SRL: variants seen among roughly 807,000 people sequenced by gnomAD.
SRL encodes sarcalumenin.
SRL carries 23 observed loss-of-function variants against 39.5 expected under a neutral mutation model. The ratio of observed to expected loss-of-function variants is 0.58; its 90% CI spans 0.42 to 0.82. SRL has a LOEUF of 0.82. SRL is among the 40% of genes least tolerant of loss of function. The probability of loss-of-function intolerance (pLI) is 0.00; values close to 1 mark genes in which losing one functional copy is unlikely to be tolerated. For synonymous variants in SRL, 272 were observed against 237.4 expected (o/e 1.15, Z -1.34); for missense variants, 592 against 607.8 (o/e 0.97, Z 0.27).
chr16:4,211,388 C>A (rs2052390064), intron 1 of SRL, among the ~76,000 whole-genome samples: 1 of 152,228 alleles, frequency 6.6e-6, no homozygotes, highest in Non-Finnish European at 1.5e-5. Context: ...GAATCCAGCC[C>A]TTTCCATGGG....
In SRL at chr16:4,197,867, C is replaced by A. The variant is rs527408548; in HGVS notation, c.308G>T (p.Ser103Ile). ...GTTTATCATGGTAGATTTACCAACA[C>A]TCCACGGTCCCAGGAACAGTACCAT... ...KPMVLFLGPW[S>I]VGKSTMINYL... is the part of the protein sequence containing the mutation. Residue 103 changes from serine (S) to isoleucine (I), a missense_variant, in exon 4 of 6, where the codon AGT (serine) becomes ATT (isoleucine). Transcript: ENST00000399609. 6.2e-6 allele frequency: 10 copies of A among 1,614,178 alleles called. No individual in the cohort carries two copies. In the South Asian group the frequency reaches 9.9e-5, roughly 16 times the overall value.
At chr16:4,204,132 C>G (rs1415647408) in intron 2 of SRL, among the ~76,000 whole-genome samples, 1 of 152,236 alleles carries the variant, frequency 6.6e-6, no homozygotes. Context: ...TAAGAGGAGA[C>G]AAGCCCTGCT....
chr16:4,219,161 A>G (rs2052492976), intron 1 of SRL, among the ~76,000 whole-genome samples: 2 of 152,390 alleles, frequency 1.3e-5, no homozygotes, highest in African/African-American at 4.8e-5. Context: ...ACCAATGCCC[A>G]GAGAGGAAAA....
At chr16:4,240,062 C>A (rs1356423320) in intron 1 of SRL, among the ~76,000 whole-genome samples, 3 of 152,204 alleles carry the variant, frequency 2.0e-5, no homozygotes, top group East Asian at 3.8e-4. Context: ...GAGCCCACCA[C>A]CCCAGCCAGA....
intron 1 of SRL, among the ~76,000 whole-genome samples, chr16:4,220,069 C>G (rs17136902): frequency 6.6e-6 from 1 of 151,980 alleles, no homozygotes; most frequent in Non-Finnish European, 1.5e-5. Flanking sequence ...GCCTCCAGAG[C>G]AAATCTGACC....
intron 1 of SRL, 99 bp from the exon 2 acceptor site, chr16:4,204,733 C>T (rs2052296544): frequency 2.1e-6 from 2 of 964,756 alleles, no homozygotes; most frequent in Non-Finnish European, 3.3e-6. Flanking sequence ...CAAGCAGGGG[C>T]TCAACAGGGT....
At position 4,191,101 on chromosome 16, in the gene SRL, C is replaced by G. The variant is rs944280090; in HGVS notation, c.*1052G>C. 1.3e-5 allele frequency: 2 copies of G among 152,288 alleles called. No homozygotes were observed. Among genetic ancestry groups the G allele is most frequent in the Admixed American group, 6.5e-5 (1 of 15,272 alleles). The allele number at this position is 152,288 out of a possible 1,614,324, so 9.4% of individuals were successfully genotyped here. On this transcript the variant is annotated 3_prime_UTR_variant, in exon 6 of 6. Coordinates refer to ENST00000399609, the MANE Select transcript of SRL (RefSeq NM_001098814.2). ...TCCACGACCTTCACTACAGTCACTT[C>G]CAAGAGTAAATTACCTGGATACACC... is the stretch of plus-strand genomic sequence containing the variant.
At position 4,195,684 on chromosome 16, in the gene SRL, GAGA is replaced by G. The variant is rs1247941143; in HGVS notation, c.476_478del (p.Phe159del). Reference sequence around the variant, plus strand: ...ATTCTGGCCAAACTTCTCAAGGGGTGAGAAGGAACGGGCGCTGTCAGCAGCCAT... The same window carrying G: ...ATTCTGGCCAAACTTCTCAAGGGGTGAGGAACGGGCGCTGTCAGCAGCCAT... On this transcript the variant is annotated inframe_deletion, in exon 5 of 6. Coordinates refer to ENST00000399609, the MANE Select transcript of SRL (RefSeq NM_001098814.2). 3 of 1,614,024 alleles carry G rather than the reference GAGA, an allele frequency of 1.9e-6. No homozygotes were observed. Among genetic ancestry groups the G allele is most frequent in the Non-Finnish European group, 2.5e-6 (3 of 1,180,030 alleles).
rs143788925 is a variant in SRL, at chr16:4,220,405, G to A, written c.62-15771C>T. ...GGAGGCTGCAGTGAGCCGAGATCAC[G>A]CCATTGCACTCCAGCCTCAGTGACA... On this transcript the variant is annotated intron_variant, in intron 1 of 5. Transcript: ENST00000399609. Among the ~76,000 whole-genome samples the A allele has an allele frequency of 5.3e-5, 8 of 151,614 alleles. No homozygotes were observed. The East Asian group carries it at 1.4e-3, about 26-fold the overall frequency.
intron 1 of SRL, among the ~76,000 whole-genome samples, chr16:4,236,170 C>T (rs2052711772): frequency 6.6e-6 from 1 of 152,166 alleles, no homozygotes; most frequent in Admixed American, 6.5e-5. Context: ...TTATTTATCC[C>T]AAACTTAATT....
intron 1 of SRL, chr16:4,206,595 C>T (rs947817616): frequency 4.0e-5 from 17 of 423,650 alleles, no homozygotes; most frequent in South Asian, 1.4e-4. Flanking sequence ...GCCACCTCCC[C>T]GGGCCGGGAC....
At chr16:4,204,678 C>G (rs771520991) in intron 1 of SRL, 44 bp from the exon 2 acceptor site, 2 of 1,572,794 alleles carry the variant, frequency 1.3e-6, no homozygotes, top group South Asian at 1.1e-5. Context: ...AAGCTAACAG[C>G]CAGCTGAGCT....
At chr16:4,235,356 G>A (rs1223147963) in intron 1 of SRL, among the ~76,000 whole-genome samples, 3 of 152,184 alleles carry the variant, frequency 2.0e-5, no homozygotes, top group East Asian at 1.9e-4. Flanking sequence ...ACATCATGAA[G>A]GGGACCTGAG....
At chr16:4,220,395 C>A (rs549369312) in intron 1 of SRL, among the ~76,000 whole-genome samples, 89 of 151,880 alleles carry the variant, frequency 5.9e-4, no homozygotes, top group African/African-American at 2.1e-3. Context: ...CTGCAGTGAG[C>A]CGAGATCACG....
At chr16:4,203,088 C>G (rs74003214) in intron 3 of SRL, 78 bp downstream of exon 3, 28 of 1,261,438 alleles carry the variant, frequency 2.2e-5, no homozygotes, top group South Asian at 1.6e-4. Flanking sequence ...GAGTCCAGGC[C>G]GGTCAGCAGT....
At chr16:4,224,728 A>C (rs369134294) in intron 1 of SRL, among the ~76,000 whole-genome samples, 4 of 152,122 alleles carry the variant, frequency 2.6e-5, no homozygotes, top group Non-Finnish European at 5.9e-5. Context: ...TCGAGAAAAA[A>C]AAAAAGAAAA....
At chr16:4,228,701 C>T (rs1680854212) in intron 1 of SRL, among the ~76,000 whole-genome samples, 1 of 151,682 alleles carries the variant, frequency 6.6e-6, no homozygotes, top group African/African-American at 2.4e-5. Context: ...TGCCACTGCA[C>T]TCCAGCCTGG....
At chr16:4,238,718 G>A (rs1226906351) in intron 1 of SRL, among the ~76,000 whole-genome samples, 3 of 151,342 alleles carry the variant, frequency 2.0e-5, no homozygotes, top group African/African-American at 7.3e-5. Flanking sequence ...GACCACCCAG[G>A]TTCATGTGAT....
chr16:4,235,250 G>A (rs185052054), intron 1 of SRL, among the ~76,000 whole-genome samples: 2 of 152,242 alleles, frequency 1.3e-5, no homozygotes, highest in African/African-American at 2.4e-5. Flanking sequence ...GGAGAGAACA[G>A]AAGCCAGCCC....
Sources: gnomAD v4.1 joint callset for allele counts (sites outside exome capture counted in the v4.1 genomes callset) on GRCh38, gnomAD v4.1.1 for gene constraint, MANE v1.5 for transcripts, NCBI Gene and HGNC (gene_info 2026-07-23, HGNC 2026-07-21) for gene names.